CTTNBP2NL: variants seen among roughly 807,000 people sequenced by gnomAD.
CTTNBP2NL encodes CTTNBP2 N-terminal-like protein.
In CTTNBP2NL, 16 loss-of-function variants were observed where a neutral mutation model predicts 32.5. The ratio of observed to expected loss-of-function variants is 0.49; its 90% CI spans 0.33 to 0.75. CTTNBP2NL has a LOEUF of 0.75. Among genes scored for constraint, CTTNBP2NL ranks in the 30% least tolerant of loss-of-function variants. The pLI is 0.02. For synonymous variants in CTTNBP2NL, 298 were observed against 289.4 expected (o/e 1.03, Z -0.30); for missense variants, 645 against 756.0 (o/e 0.85, Z 1.72).
upstream of CTTNBP2NL, chr1:112,396,183 C>T (rs1181437854): frequency 2.0e-5 from 3 of 152,312 alleles, no homozygotes; most frequent in Non-Finnish European, 4.4e-5. Flanking sequence ...ATGCCAATGC[C>T]CCCGCCGGGC....
intron 3 of CTTNBP2NL, among the ~76,000 whole-genome samples, chr1:112,421,623 A>G (rs539036456): frequency 4.3e-4 from 66 of 152,004 alleles, no homozygotes; most frequent in African/African-American, 1.5e-3. Flanking sequence ...CTACAAAAAA[A>G]AAAAAAAAGG....
At chr1:112,393,276 T>C (rs1648227879), upstream of CTTNBP2NL, among the ~76,000 whole-genome samples, 1 of 151,776 alleles carries the variant, frequency 6.6e-6, no homozygotes, top group African/African-American at 2.4e-5. Context: ...AGACTCCAGA[T>C]TTTTTAACCT....
intron 3 of CTTNBP2NL, among the ~76,000 whole-genome samples, chr1:112,444,098 A>C (rs1003285283): frequency 3.3e-5 from 5 of 152,220 alleles, no homozygotes; most frequent in African/African-American, 4.8e-5. Flanking sequence ...ATATCACTTC[A>C]GAATTGTCTC....
intron 3 of CTTNBP2NL, among the ~76,000 whole-genome samples, chr1:112,447,749 A>G (rs1292543039): frequency 6.6e-6 from 1 of 152,104 alleles, no homozygotes; most frequent in Non-Finnish European, 1.5e-5. Context: ...ACAGGCTCCT[A>G]TTTGTGGATG....
At chr1:112,430,447 A>G (rs896724436) in intron 3 of CTTNBP2NL, among the ~76,000 whole-genome samples, 2 of 151,476 alleles carry the variant, frequency 1.3e-5, no homozygotes, top group Non-Finnish European at 2.9e-5. Context: ...CATTTTGCCC[A>G]GGCTGGTCTC....
At chr1:112,444,715 T>G (rs1275434428) in intron 3 of CTTNBP2NL, among the ~76,000 whole-genome samples, 2 of 152,260 alleles carry the variant, frequency 1.3e-5, no homozygotes, top group Non-Finnish European at 2.9e-5. Flanking sequence ...CATTTAAAAT[T>G]TCTTATAAAA....
At chr1:112,407,397 T>C (rs1008432645) in intron 1 of CTTNBP2NL, among the ~76,000 whole-genome samples, 5 of 152,180 alleles carry the variant, frequency 3.3e-5, no homozygotes, top group African/African-American at 1.2e-4. Flanking sequence ...GTGGGCAAGA[T>C]TGGTTTCTTC....
At chr1:112,427,727 C>A (rs561845676) in intron 3 of CTTNBP2NL, among the ~76,000 whole-genome samples, 2 of 152,144 alleles carry the variant, frequency 1.3e-5, no homozygotes, top group South Asian at 4.1e-4. Context: ...AACCCCGTCT[C>A]TATTAAAAAT....
chr1:112,391,559 C>A (rs1648181752), upstream of CTTNBP2NL, among the ~76,000 whole-genome samples: 1 of 152,130 alleles, frequency 6.6e-6, no homozygotes, highest in African/African-American at 2.4e-5. Context: ...TACTGACAAC[C>A]ACCTGGTCTT....
chr1:112,427,691 C>G (rs189479546), intron 3 of CTTNBP2NL, among the ~76,000 whole-genome samples: 126 of 152,128 alleles, frequency 8.3e-4, no homozygotes, highest in South Asian at 3.7e-3. Context: ...GTCAGGAGAT[C>G]GAGACCATCC....
chr1:112,417,262 G>A (rs2492512), intron 3 of CTTNBP2NL, among the ~76,000 whole-genome samples: 77,002 of 152,008 alleles, frequency 0.51, 22,230 homozygotes, highest in South Asian at 0.7. Flanking sequence ...ATAGTGCCAG[G>A]CATGTAGATG....
chr1:112,456,798 C>G lies in CTTNBP2NL; in HGVS notation c.1306C>G (p.Arg436Gly), dbSNP rs1036767030. 6.2e-7 allele frequency: 1 copy of G among 1,613,970 alleles called. No individual in the cohort carries two copies. The highest frequency in any genetic ancestry group is 1.3e-5 in the African/African-American group (1 of 74,880). ...TTGCTCTTCGCCGGTACTCACTAAG[C>G]GTTTATTGGGGTCATCAGCTAGCAG... ...SPCSSPVLTK[R>G]LLGSSASSPG... is the part of the protein sequence containing the mutation. The change falls in exon 6 of 6, where the codon CGT (arginine) becomes GGT (glycine). Residue 436 changes from arginine (R) to glycine (G), a missense_variant. Transcript: ENST00000271277.
chr1:112,449,331 A>G (rs1316292185), intron 4 of CTTNBP2NL, among the ~76,000 whole-genome samples, 159 bp downstream of exon 4: 1 of 85,554 alleles, frequency 1.2e-5, no homozygotes, highest in Non-Finnish European at 3.0e-5. Context: ...GAGATAAAAA[A>G]GAAAACACAG....
In CTTNBP2NL at chr1:112,429,542, T is replaced by C. The variant is rs58274262; in HGVS notation, c.99+13278T>C. ...TACCTCTTTCTTAAAAAAATGCATG[T>C]ATCTAGAAGAAATTTCACTTCTAGA... On this transcript the variant is annotated intron_variant, in intron 3 of 5. Transcript: ENST00000271277. Among the ~76,000 whole-genome samples, 599 of 152,304 alleles carry C rather than the reference T, an allele frequency of 3.9e-3. 5 individuals are homozygous for C. Among genetic ancestry groups the C allele is most frequent in the African/African-American group, 0.014 (564 of 41,556 alleles).
rs184558671 is a variant in CTTNBP2NL at position 112,408,836 on chromosome 1, G to A, written c.-133-3358G>A. ...GGCTTGGCTTATATGTATTGAAAGA[G>A]TATTTACGGGCCGGGCATGGTGGCT... On this transcript the variant is annotated intron_variant, in intron 1 of 5. Coordinates refer to ENST00000271277, the MANE Select transcript of CTTNBP2NL (RefSeq NM_018704.3). Among the ~76,000 whole-genome samples the A allele has an allele frequency of 7.9e-5, 12 of 152,148 alleles. No homozygotes were observed. In the East Asian group the frequency reaches 1.7e-3, roughly 22 times the overall value.
At chr1:112,398,579 T>A (rs1454978045) in intron 1 of CTTNBP2NL, among the ~76,000 whole-genome samples, 1 of 152,172 alleles carries the variant, frequency 6.6e-6, no homozygotes, top group Non-Finnish European at 1.5e-5. Flanking sequence ...TTCATTTAAC[T>A]TGATTTTCCC....
chr1:112,454,662 G>T (rs1650314310), intron 5 of CTTNBP2NL, 106 bp downstream of exon 5: 1 of 835,552 alleles, frequency 1.2e-6, no homozygotes, highest in Admixed American at 2.1e-5. Flanking sequence ...GGGCTTTGTG[G>T]TCAAATAAGT....
intron 1 of CTTNBP2NL, among the ~76,000 whole-genome samples, chr1:112,410,368 G>A (rs1277938494): frequency 6.7e-6 from 1 of 149,956 alleles, no homozygotes; most frequent in Non-Finnish European, 1.5e-5. Context: ...TCCAGCCTGG[G>A]CAATGAGAGC....
intron 1 of CTTNBP2NL, among the ~76,000 whole-genome samples, chr1:112,404,609 A>G (rs776649742): frequency 7.7e-4 from 118 of 152,284 alleles, no homozygotes; most frequent in Non-Finnish European, 1.1e-3. Context: ...CCCTTGTGGT[A>G]TTTTACAAGT....
Sources: allele counts gnomAD v4.1 joint callset (sites outside exome capture counted in the v4.1 genomes callset), GRCh38; gene constraint gnomAD v4.1.1; transcripts MANE v1.5; gene names NCBI Gene and HGNC (gene_info 2026-07-23, HGNC 2026-07-21).